VTA1: variants seen among roughly 807,000 people sequenced by gnomAD.
VTA1 encodes vacuolar protein sorting-associated protein VTA1 homolog.
Under a neutral mutation model 36.9 loss-of-function variants are expected in VTA1, and 24 were observed. The ratio of observed to expected loss-of-function variants is 0.65; its 90% CI spans 0.47 to 0.91. VTA1 has a LOEUF of 0.91. Among genes scored for constraint, VTA1 ranks in the 40% least tolerant of loss-of-function variants. The pLI, the probability that VTA1 is intolerant of heterozygous loss-of-function variation, is 0.00. For missense variants in VTA1, 393 were observed against 377.2 expected (o/e 1.04, Z -0.35); for synonymous variants, 142 against 130.2 (o/e 1.09, Z -0.62).
chr6:142,157,914 A>T (rs1582876445), intron 1 of VTA1, among the ~76,000 whole-genome samples: 2 of 142,138 alleles, frequency 1.4e-5, no homozygotes, highest in African/African-American at 2.6e-5. Flanking sequence ...CTACTTGGTG[A>T]CCCTTAACAA....
In VTA1 at chr6:142,219,734, T is replaced by C. The variant is rs1776070190; in HGVS notation, c.*1091T>C. 6.6e-6 allele frequency: 1 copy of C among 152,226 alleles called. No homozygotes were observed. The highest frequency in any genetic ancestry group is 2.1e-4 in the South Asian group (1 of 4,830). 9.4% of individuals were successfully genotyped at this position (152,226 alleles called of 1,614,324 possible). ...TTTGTTTTTTGTTTTTTAAGATAAATTTGACAAAGTTAACTGAAATTTATC... is the reference window on the plus strand; with the variant it reads ...TTTGTTTTTTGTTTTTTAAGATAAACTTGACAAAGTTAACTGAAATTTATC... On this transcript the variant is annotated 3_prime_UTR_variant, in exon 8 of 8. Transcript: ENST00000367630.
At chr6:142,162,485 A>G (rs1024541781) in intron 1 of VTA1, among the ~76,000 whole-genome samples, 4 of 152,296 alleles carry the variant, frequency 2.6e-5, no homozygotes, top group African/African-American at 2.4e-5. Context: ...ATCATGAATA[A>G]TTACCTGATG....
rs551343396 is a variant in VTA1 at position 142,156,855 on chromosome 6, T to C, written c.113-9373T>C. Among the ~76,000 whole-genome samples, 3 of 152,342 alleles carry C rather than the reference T, an allele frequency of 2.0e-5. No homozygotes were observed. The East Asian group carries it at 5.8e-4, about 29-fold the overall frequency. ...TGCTAAATAACAATGGATTTCTTTA[T>C]TGATAGATGGTAAACTACATGGATA... On this transcript the variant is annotated intron_variant, in intron 1 of 7. Coordinates refer to ENST00000367630, the MANE Select transcript of VTA1 (RefSeq NM_016485.5).
intron 1 of VTA1, among the ~76,000 whole-genome samples, chr6:142,161,920 T>G (rs1774817290): frequency 6.6e-6 from 1 of 152,178 alleles, no homozygotes; most frequent in African/African-American, 2.4e-5. Flanking sequence ...CTTTGCAATG[T>G]AAGATATTTA....
chr6:142,174,624 G>A (rs1239048283), intron 4 of VTA1, among the ~76,000 whole-genome samples: 5 of 152,086 alleles, frequency 3.3e-5, no homozygotes, highest in Admixed American at 1.3e-4. Context: ...TTGAGGGGGC[G>A]GGAGCAGAGG....
At chr6:142,185,782 A>G (rs1017168344) in intron 4 of VTA1, among the ~76,000 whole-genome samples, 2 of 152,220 alleles carry the variant, frequency 1.3e-5, no homozygotes, top group East Asian at 1.9e-4. Flanking sequence ...TAAATCCAAT[A>G]GCCACTTACA....
At position 142,203,979 on chromosome 6, in the gene VTA1, T is replaced by A. The variant is rs372478088; in HGVS notation, c.698-6T>A. ...CTATGCCCATTTTTGCTTTTCTGAT[T>A]TGCAGGTGTAGCAAGTAATACTATC... On this transcript the variant is annotated splice_polypyrimidine_tract_variant and splice_region_variant and intron_variant, in intron 6 of 7. Coordinates refer to ENST00000367630, the MANE Select transcript of VTA1 (RefSeq NM_016485.5). The A allele has an allele frequency of 6.2e-7, 1 of 1,612,826 alleles. No homozygotes were observed. The highest frequency in any genetic ancestry group is 1.3e-5 in the African/African-American group (1 of 74,876).
chr6:142,176,948 G>C (rs1775137397), intron 4 of VTA1, among the ~76,000 whole-genome samples: 1 of 152,134 alleles, frequency 6.6e-6, no homozygotes, highest in South Asian at 2.1e-4. Context: ...AAGGTGGTCT[G>C]TTTAAGGGTA....
intron 4 of VTA1, among the ~76,000 whole-genome samples, chr6:142,172,929 A>G (rs1257747948): frequency 6.6e-6 from 1 of 151,988 alleles, no homozygotes; most frequent in African/African-American, 2.4e-5. Context: ...GAGCCTGTAC[A>G]ATGAACTGAA....
intron 2 of VTA1, among the ~76,000 whole-genome samples, chr6:142,167,594 C>T (rs951400151): frequency 6.6e-5 from 10 of 152,112 alleles, no homozygotes; most frequent in African/African-American, 1.7e-4. Flanking sequence ...AAGACTTATG[C>T]GAAGACAGAA....
chr6:142,164,402 AGATG>A (rs1192822648), intron 1 of VTA1, among the ~76,000 whole-genome samples: 1 of 152,020 alleles, frequency 6.6e-6, no homozygotes, highest in African/African-American at 2.4e-5. Flanking sequence ...CTTAATACCT[AGATG>A]GATCGAATTC....
rs757539363 is a variant in VTA1 at position 142,218,394 on chromosome 6, A to C, written c.779-104A>C. On this transcript the variant is annotated intron_variant, in intron 7 of 7. Coordinates refer to ENST00000367630, the MANE Select transcript of VTA1 (RefSeq NM_016485.5). ...GATTGACTAAAACTACTGTTTTTAC[A>C]TAGCCTTAAATATGTTTTTTAATCT... 19 of 1,192,378 alleles carry C rather than the reference A, an allele frequency of 1.6e-5. No individual in the cohort carries two copies. In the South Asian group the frequency reaches 2.2e-4, roughly 14 times the overall value. The allele number at this position is 1,192,378 out of a possible 1,614,324, so 73.9% of individuals were successfully genotyped here. A position where few individuals can be genotyped will look rare whatever the true frequency, so the allele number is the denominator to read the frequency against.
At chr6:142,214,913 T>C (rs1419161362) in intron 7 of VTA1, among the ~76,000 whole-genome samples, 1 of 152,238 alleles carries the variant, frequency 6.6e-6, no homozygotes, top group Non-Finnish European at 1.5e-5. Context: ...CTACTGCTTC[T>C]AGTACTTATA....
At chr6:142,188,746 T>C (rs536384999) in intron 4 of VTA1, among the ~76,000 whole-genome samples, 1 of 99,486 alleles carries the variant, frequency 1.0e-5, no homozygotes, top group African/African-American at 3.7e-5. Flanking sequence ...GAGATTTTTA[T>C]ATTTTTAATG....
chr6:142,170,533 C>A, intron 4 of VTA1, 112 bp downstream of exon 4: 2 of 688,748 alleles, frequency 2.9e-6, no homozygotes, highest in Non-Finnish European at 2.2e-6. Context: ...GAAATTAATG[C>A]AAGCAAAAAA....
intron 1 of VTA1, among the ~76,000 whole-genome samples, chr6:142,151,117 T>C (rs964258556): frequency 5.3e-5 from 8 of 152,090 alleles, no homozygotes; most frequent in Non-Finnish European, 8.8e-5. Flanking sequence ...TCTGCGATAT[T>C]AGCAGCCATT....
rs114104528 is a variant in VTA1, at chr6:142,208,671, C to G, written c.778+4606C>G. ...AAAGGCCAAGGACAAAGAGAAAGTC[C>G]TTAAAACACCAAGAGATAAGAAGCA... On this transcript the variant is annotated intron_variant, in intron 7 of 7. Transcript: ENST00000367630. Among the ~76,000 whole-genome samples the G allele has an allele frequency of 1.5e-3, 222 of 152,200 alleles. 1 individual carries two copies. Among genetic ancestry groups the G allele is most frequent in the African/African-American group, 5.1e-3 (210 of 41,516 alleles).
intron 5 of VTA1, among the ~76,000 whole-genome samples, chr6:142,197,953 C>T (rs963686106): frequency 4.0e-5 from 6 of 150,974 alleles, no homozygotes; most frequent in Admixed American, 6.6e-5. Flanking sequence ...ACAAACTAGC[C>T]GGGAGTGGTG....
chr6:142,172,342 A>T (rs1435115340), intron 4 of VTA1, among the ~76,000 whole-genome samples: 1 of 152,184 alleles, frequency 6.6e-6, no homozygotes, highest in East Asian at 1.9e-4. Context: ...CTGTCCCTTT[A>T]ATTTCAAAAC....
Sources: allele counts gnomAD v4.1 joint callset (sites outside exome capture counted in the v4.1 genomes callset), GRCh38; gene constraint gnomAD v4.1.1; transcripts MANE v1.5; gene names NCBI Gene and HGNC (gene_info 2026-07-23, HGNC 2026-07-21).